Variants in MPP2 observed in about 807,000 individuals in gnomAD.
MPP2 encodes MAGUK p55 scaffold protein 2, also known as MAGUK p55 subfamily member 2.
MPP2 carries 42 observed loss-of-function variants against 58.5 expected under a neutral mutation model. That is an observed-to-expected ratio of 0.72 (90% CI 0.56 to 0.93). MPP2 has a LOEUF of 0.93. Among genes scored for constraint, MPP2 ranks in the 40% least tolerant of loss-of-function variants. The probability of loss-of-function intolerance (pLI) is 0.00; values close to 1 mark genes in which losing one functional copy is unlikely to be tolerated. For missense variants in MPP2, 632 were observed against 760.4 expected (o/e 0.83, Z 1.99); for synonymous variants, 300 against 307.8 (o/e 0.97, Z 0.26).
chr17:43,883,166 C>G, intron 4 of MPP2, 37 bp downstream of exon 4: 1 of 1,575,864 alleles, frequency 6.3e-7, no homozygotes, highest in Non-Finnish European at 8.6e-7. Context: ...GTCCACCCAC[C>G]TCCTGCTCCC....
intron 3 of MPP2, among the ~76,000 whole-genome samples, chr17:43,888,302 C>G (rs996796950): frequency 6.6e-6 from 1 of 152,218 alleles, no homozygotes; most frequent in Non-Finnish European, 1.5e-5. Context: ...CCACAACCTA[C>G]TGGGGAAACA....
intron 1 of MPP2, chr17:43,907,230 C>T (rs2143818935): frequency 1.0e-6 from 1 of 985,542 alleles, no homozygotes; most frequent in Non-Finnish European, 1.2e-6. Flanking sequence ...CCTGAAGCCA[C>T]TTTGGAGCCC....
intron 3 of MPP2, among the ~76,000 whole-genome samples, chr17:43,888,562 C>T (rs532961118): frequency 9.1e-4 from 139 of 152,334 alleles, no homozygotes; most frequent in African/African-American, 3.3e-3. Context: ...ACCATGGCAA[C>T]CCTTGCATGG....
rs2143493108 is a variant in MPP2, at chr17:43,877,735, A to G, written c.*72T>C. 1 of 1,338,576 alleles carries G rather than the reference A, an allele frequency of 7.5e-7. No homozygotes were observed. Among genetic ancestry groups the G allele is most frequent in the Middle Eastern group, 1.9e-4 (1 of 5,396 alleles). The allele number at this position is 1,338,576 out of a possible 1,614,324, so 82.9% of individuals were successfully genotyped here. ...GGGCTAAGGATTGTGGCAGGGGGTC[A>G]CAGGTCAGGAGGGGGATGGATTCAG... On this transcript the variant is annotated 3_prime_UTR_variant, in exon 13 of 13. Coordinates refer to ENST00000269095, the MANE Select transcript of MPP2 (RefSeq NM_005374.5).
chr17:43,906,447 G>A (rs1261294314), intron 1 of MPP2, among the ~76,000 whole-genome samples: 1 of 152,202 alleles, frequency 6.6e-6, no homozygotes, highest in Non-Finnish European at 1.5e-5. Context: ...TCTCAGCTCT[G>A]CCTCCGAGAT....
Position 43,907,459 on chromosome 17 carries a change from C to A in MPP2, c.-34+15G>T. On this transcript the variant is annotated intron_variant, in intron 1 of 12. Coordinates refer to ENST00000269095, the MANE Select transcript of MPP2 (RefSeq NM_005374.5). ...CTTGGGATAGGAGCTGGCCCGGGGG[C>A]CGGGGGACGCCTACCTGCGCCCCGG... The A allele has an allele frequency of 1.0e-6, 1 of 985,520 alleles. No homozygotes were observed. Among genetic ancestry groups the A allele is most frequent in the Non-Finnish European group, 1.2e-6 (1 of 830,030 alleles). The allele number at this position is 985,520 out of a possible 1,614,324, so 61.0% of individuals were successfully genotyped here.
chr17:43,893,741 T>A (rs769736807), intron 3 of MPP2, among the ~76,000 whole-genome samples: 1 of 152,174 alleles, frequency 6.6e-6, no homozygotes, highest in African/African-American at 2.4e-5. Flanking sequence ...AGTGGAACAG[T>A]TGCATACCAA....
intron 1 of MPP2, chr17:43,907,149 A>AC: frequency 5.1e-6 from 5 of 983,654 alleles, no homozygotes; most frequent in Non-Finnish European, 6.0e-6. Context: ...GCTTCTAAGT[A>AC]CCCCCAACCC....
chr17:43,907,528 G>A lies in MPP2; in HGVS notation c.-88C>T, dbSNP rs559709139. ...CGGCTCCAGCGCAGCCGGGCGCTCA[G>A]CGTTTATTGCTTGTCAATCGCTAGC... On this transcript the variant is annotated 5_prime_UTR_variant, in exon 1 of 13. Transcript: ENST00000269095. 63 of 985,528 alleles carry A rather than the reference G, an allele frequency of 6.4e-5. No homozygotes were observed. The African/African-American group carries it at 9.4e-4, about 15-fold the overall frequency. The allele number at this position is 985,528 out of a possible 1,614,324, so 61.0% of individuals were successfully genotyped here.
chr17:43,887,470 T>C (rs1217948364), intron 3 of MPP2, among the ~76,000 whole-genome samples: 1 of 152,046 alleles, frequency 6.6e-6, no homozygotes, highest in Non-Finnish European at 1.5e-5. Flanking sequence ...TTTTGTTTTT[T>C]TTTTAAGGGA....
At chr17:43,890,064 G>A (rs777431862) in intron 3 of MPP2, among the ~76,000 whole-genome samples, 3 of 149,654 alleles carry the variant, frequency 2.0e-5, no homozygotes, top group Admixed American at 6.6e-5. Context: ...CACCCACCTC[G>A]GCCTCCCAAA....
rs756336242 is a variant in MPP2 at position 43,880,890 on chromosome 17, C to A, written c.989-38G>T. ...AGATGGCGCTGCTCACCAGGCTGCA[C>A]GGTGAGGGAGGGGCGGAGCTCTCAG... On this transcript the variant is annotated intron_variant, in intron 9 of 12. Transcript: ENST00000269095. This position sits in a 1 kb window ranked among gnomAD's most constrained non-coding sequence, Gnocchi z 5.2. The A allele has an allele frequency of 2.5e-6, 4 of 1,574,734 alleles. No individual in the cohort carries two copies. The highest frequency in any genetic ancestry group is 3.5e-6 in the Non-Finnish European group (4 of 1,157,824).
Position 43,882,289 on chromosome 17 carries a change from GGGGCAGATGGGGCTCCTGGTAGCT to G in MPP2, c.652_675del (p.Ser218_Pro225del). 1 of 1,609,396 alleles carries G rather than the reference GGGGCAGATGGGGCTCCTGGTAGCT, an allele frequency of 6.2e-7. No homozygotes were observed. Among genetic ancestry groups the G allele is most frequent in the Non-Finnish European group, 8.5e-7 (1 of 1,178,920 alleles). ...GTGCTGGGTGAGGGGCCCACCTGGC[GGGGCAGATGGGGCTCCTGGTAGCT>G]GGGCAGGATCTTGAGGATGACACTG... On this transcript the variant is annotated inframe_deletion, in exon 6 of 13. Transcript: ENST00000269095.
chr17:43,879,377 C>G lies in MPP2; in HGVS notation c.1380G>C (p.Glu460Asp). 1.2e-6 allele frequency: 2 copies of G among 1,614,202 alleles called. No homozygotes were observed. The highest frequency in any genetic ancestry group is 1.7e-6 in the Non-Finnish European group (2 of 1,180,014). Residue 460 changes from glutamate (E) to aspartate (D), a missense_variant, in exon 12 of 13, where the codon GAG becomes GAC. Transcript: ENST00000269095. This position sits in a 1 kb window ranked among gnomAD's most constrained non-coding sequence, Gnocchi z 4.1. ...CGATGAACACCACGTAAGGGACAAA[C>G]TCGGCCGTTCGTAGCACCTTCACCG... ...PQAVKVLRTA[E>D]FVPYVVFIEA...
rs756013161 is a variant in MPP2 at position 43,882,249 on chromosome 17, C to T, written c.681+35G>A. 5.7e-6 allele frequency: 9 copies of T among 1,569,718 alleles called. No individual in the cohort carries two copies. In the Admixed American group the frequency reaches 8.5e-5, roughly 15 times the overall value. On this transcript the variant is annotated intron_variant, in intron 6 of 12. Transcript: ENST00000269095. Reference sequence around the variant, plus strand: ...AACCTTGACAGCCAGGAGGCTCAGCCATCCCTTGGGCCTTGTGCTGGGTGA... The same window carrying T: ...AACCTTGACAGCCAGGAGGCTCAGCTATCCCTTGGGCCTTGTGCTGGGTGA...
At chr17:43,887,301 T>G (rs984479103) in intron 3 of MPP2, among the ~76,000 whole-genome samples, 2 of 152,170 alleles carry the variant, frequency 1.3e-5, no homozygotes, top group African/African-American at 4.8e-5. Flanking sequence ...GAAGGATCAC[T>G]TGAACCCAGG....
chr17:43,900,335 T>G, intron 2 of MPP2: 1 of 929,456 alleles, frequency 1.1e-6, no homozygotes, highest in East Asian at 2.7e-5. Context: ...TGGTGCCCTC[T>G]GCCCAGGACA....
Position 43,879,131 on chromosome 17 carries a change from G to A in MPP2, c.1482+144C>T, listed in dbSNP as rs1327776114. 2.9e-6 allele frequency: 3 copies of A among 1,026,892 alleles called. No individual in the cohort carries two copies. The highest frequency in any genetic ancestry group is 1.6e-5 in the South Asian group (1 of 62,706). The allele number at this position is 1,026,892 out of a possible 1,614,324, so 63.6% of individuals were successfully genotyped here. A position where few individuals can be genotyped will look rare whatever the true frequency, so the allele number is the denominator to read the frequency against. ...GACCTCCCCTTCCACATCTATGCAG[G>A]GGGGACCACGTCCTGCCTCACTGAT... On this transcript the variant is annotated intron_variant, in intron 12 of 12. Transcript: ENST00000269095. The surrounding 1 kb of genome is among the most constrained non-coding windows in gnomAD (Gnocchi z 4.1).
intron 3 of MPP2, chr17:43,884,015 T>C (rs1032543987): frequency 1.5e-6 from 1 of 686,592 alleles, no homozygotes; most frequent in South Asian, 1.6e-5. Context: ...ATTTCAATAA[T>C]ATATATGAAG....
Sources: allele counts gnomAD v4.1 joint callset (sites outside exome capture counted in the v4.1 genomes callset), GRCh38; gene constraint gnomAD v4.1.1; non-coding constraint Gnocchi (gnomAD v3.1); transcripts MANE v1.5; gene names NCBI Gene and HGNC (gene_info 2026-07-23, HGNC 2026-07-21).